The following ANKRD17 variants were observed in gnomAD, a reference collection of about 807,000 sequenced individuals.
The protein encoded by ANKRD17 is ankyrin repeat domain 17.
ANKRD17 carries 19 observed loss-of-function variants against 229.7 expected under a neutral mutation model. The ratio of observed to expected loss-of-function variants is 0.08; its 90% CI spans 0.06 to 0.12. ANKRD17 has a LOEUF of 0.12. Ranked by LOEUF, ANKRD17 falls within the 10% of genes least tolerant of loss-of-function variation. The pLI, the probability that ANKRD17 is intolerant of heterozygous loss-of-function variation, is 1.00. For synonymous variants in ANKRD17, 1,112 were observed against 1,146.1 expected (o/e 0.97, Z 0.60); for missense variants, 2,176 against 3,176.8 (o/e 0.68, Z 7.57).
chr4:73,141,135 T>C (rs1729549742), intron 14 of ANKRD17, among the ~76,000 whole-genome samples: 1 of 152,200 alleles, frequency 6.6e-6, no homozygotes, highest in Admixed American at 6.5e-5. Context: ...AACTGCACTG[T>C]TTCTTCAGGT....
At chr4:73,151,327 A>G (rs1271430642) in intron 7 of ANKRD17, 103 bp downstream of exon 7, 5 of 1,013,542 alleles carry the variant, frequency 4.9e-6, no homozygotes, top group Non-Finnish European at 7.3e-6. Context: ...TAAGGTTCTG[A>G]CAAACAGAAT....
chr4:73,118,213 C>T lies in ANKRD17; in HGVS notation c.4188+475G>A, dbSNP rs377260664. On this transcript the variant is annotated intron_variant, in intron 22 of 33. Coordinates refer to ENST00000358602, the MANE Select transcript of ANKRD17 (RefSeq NM_032217.5). ...TATAATTTTTGTAGAGGCAGGGCTT[C>T]GCTACATCTGCCTGCCTTGGCCTCC... Among the ~76,000 whole-genome samples, 27 of 151,666 alleles carry T rather than the reference C, an allele frequency of 1.8e-4. No individual in the cohort carries two copies. The East Asian group carries it at 3.7e-3, about 21-fold the overall frequency.
chr4:73,121,102 T>C lies in ANKRD17; in HGVS notation c.3636-8A>G, dbSNP rs1251310148. 2.5e-6 allele frequency: 4 copies of C among 1,609,972 alleles called. No individual in the cohort carries two copies. In the African/African-American group the frequency reaches 5.3e-5, roughly 21 times the overall value. ...CCCAATTTGCTACCAGTTCTAGGGG[T>C]GCAGGTATGGGGAAAACAAATGGAA... On this transcript the variant is annotated splice_region_variant and splice_polypyrimidine_tract_variant and intron_variant, in intron 19 of 33. Transcript: ENST00000358602.
At chr4:73,200,708 A>G (rs951999120) in intron 1 of ANKRD17, among the ~76,000 whole-genome samples, 1 of 152,124 alleles carries the variant, frequency 6.6e-6, no homozygotes, top group Non-Finnish European at 1.5e-5. Flanking sequence ...CTGCCAATTT[A>G]TAAGTCACAT....
chr4:73,193,907 G>T (rs1737478933), intron 1 of ANKRD17, among the ~76,000 whole-genome samples: 1 of 152,070 alleles, frequency 6.6e-6, no homozygotes. Context: ...ACTCTAGCCT[G>T]GGTGACAGAG....
chr4:73,210,974 C>T lies in ANKRD17; in HGVS notation c.394-33441G>A, dbSNP rs78152856. ...TTCCTTTGGTCTTAATTTACTAATT[C>T]TACCTTTGTATTTTTATTTTTTTAG... On this transcript the variant is annotated intron_variant, in intron 1 of 33. Transcript: ENST00000358602. Among the ~76,000 whole-genome samples the T allele has an allele frequency of 2.4e-3, 367 of 152,018 alleles. 2 individuals carry two copies. Among genetic ancestry groups the T allele is most frequent in the South Asian group, 0.016 (76 of 4,820 alleles).
intron 25 of ANKRD17, among the ~76,000 whole-genome samples, chr4:73,100,325 G>T (rs1484383079): frequency 2.0e-5 from 3 of 152,034 alleles, no homozygotes; most frequent in Non-Finnish European, 4.4e-5. Flanking sequence ...GCAGCAGAGT[G>T]AGCAAGGGGG....
chr4:73,142,332 A>G lies in ANKRD17; in HGVS notation c.2139T>C (p.Val713=), dbSNP rs763960803. Residue 713 remains valine, a synonymous_variant, in exon 13 of 34, where the codon GTT becomes GTC. Transcript: ENST00000358602. The part of the protein sequence containing the change: ...EAAKGGHTSV[V]CYLLDYPNNL... ...TATTAGGATAATCCAAGAGATAGCA[A>G]ACAACACTTGTATGGCCACCTTTTG... 1 of 1,583,838 alleles carries G rather than the reference A, an allele frequency of 6.3e-7. No homozygotes were observed. Among genetic ancestry groups the G allele is most frequent in the South Asian group, 1.2e-5 (1 of 84,164 alleles).
At chr4:73,127,554 C>T (rs1200517955) in intron 16 of ANKRD17, among the ~76,000 whole-genome samples, 1 of 151,998 alleles carries the variant, frequency 6.6e-6, no homozygotes, top group Non-Finnish European at 1.5e-5. Context: ...ACCAATCTGC[C>T]TTATATGTTT....
At chr4:73,181,479 G>T (rs923372925) in intron 1 of ANKRD17, among the ~76,000 whole-genome samples, 1 of 152,036 alleles carries the variant, frequency 6.6e-6, no homozygotes, top group East Asian at 1.9e-4. Context: ...AAGAGCTCGC[G>T]TTACATTACA....
intron 30 of ANKRD17, among the ~76,000 whole-genome samples, chr4:73,083,202 G>A (rs1438873255): frequency 2.0e-5 from 3 of 152,198 alleles, no homozygotes; most frequent in Non-Finnish European, 4.4e-5. Context: ...CAATATGTGA[G>A]CCTTGAGTGG....
chr4:73,102,116 A>C (rs890861430), intron 25 of ANKRD17, among the ~76,000 whole-genome samples: 10 of 151,988 alleles, frequency 6.6e-5, no homozygotes, highest in African/African-American at 2.4e-4. Context: ...GTGTCCAGAT[A>C]ATTAAAAAAA....
intron 1 of ANKRD17, among the ~76,000 whole-genome samples, chr4:73,219,907 C>G (rs1741624577): frequency 6.6e-6 from 1 of 152,104 alleles, no homozygotes; most frequent in Non-Finnish European, 1.5e-5. Context: ...ATGGAAATAT[C>G]TGTGAAGATT....
Position 73,124,900 on chromosome 4 carries a change from G to A in ANKRD17, c.3492+13C>T. ...AGAGAAAGGAAAACAATTACACTAAGGGGAAACATTACCTCCTGTCTTCCC... is the reference window on the plus strand; with the variant it reads ...AGAGAAAGGAAAACAATTACACTAAAGGGAAACATTACCTCCTGTCTTCCC... On this transcript the variant is annotated intron_variant, in intron 18 of 33. Coordinates refer to ENST00000358602, the MANE Select transcript of ANKRD17 (RefSeq NM_032217.5). The A allele has an allele frequency of 6.2e-7, 1 of 1,613,034 alleles. No individual in the cohort carries two copies. The highest frequency in any genetic ancestry group is 8.5e-7 in the Non-Finnish European group (1 of 1,179,542).
chr4:73,138,031 G>C (rs2148801598), intron 15 of ANKRD17, among the ~76,000 whole-genome samples: 1 of 152,094 alleles, frequency 6.6e-6, no homozygotes, highest in East Asian at 1.9e-4. Context: ...CATTAAAGTG[G>C]ATACGTAATA....
intron 1 of ANKRD17, among the ~76,000 whole-genome samples, chr4:73,208,067 T>C (rs939245712): frequency 1.3e-5 from 2 of 151,684 alleles, no homozygotes; most frequent in South Asian, 2.1e-4. Flanking sequence ...TGGGCGCCTG[T>C]AGTCCCAGCT....
chr4:73,141,855 G>A lies in ANKRD17; in HGVS notation c.2230-12C>T, dbSNP rs766533853. On this transcript the variant is annotated splice_polypyrimidine_tract_variant and intron_variant, in intron 13 of 33. Transcript: ENST00000358602. ...GGTACACGAGGAGCCTAAGACAAAG[G>A]ACACTAAGTGACTATTAGTGTCCTA... is the stretch of plus-strand genomic sequence containing the variant. 1.3e-6 allele frequency: 2 copies of A among 1,597,294 alleles called. No homozygotes were observed. Among genetic ancestry groups the A allele is most frequent in the African/African-American group, 2.7e-5 (2 of 74,518 alleles).
At chr4:73,184,528 CAAAAAAAAA>C (rs776930137) in intron 1 of ANKRD17, among the ~76,000 whole-genome samples, 6 of 29,976 alleles carry the variant, frequency 2.0e-4, no homozygotes, top group Non-Finnish European at 2.6e-4. Flanking sequence ...GACTTCCTCT[CAAAAAAAAA>C]AAAAAAAAAA....
At chr4:73,123,926 C>G (rs2148713332) in intron 18 of ANKRD17, among the ~76,000 whole-genome samples, 1 of 151,434 alleles carries the variant, frequency 6.6e-6, no homozygotes, top group South Asian at 2.1e-4. Context: ...GTGAAACAGT[C>G]ACGATGATGA....
Sources: gnomAD v4.1 joint callset for allele counts (sites outside exome capture counted in the v4.1 genomes callset) on GRCh38, gnomAD v4.1.1 for gene constraint, MANE v1.5 for transcripts, NCBI Gene and HGNC (gene_info 2026-07-23, HGNC 2026-07-21) for gene names.